ARL6IP5: variants seen among roughly 807,000 people sequenced by gnomAD.
ARL6IP5 encodes the protein ARF like GTPase 6 interacting protein 5.
Under a neutral mutation model 13.0 loss-of-function variants are expected in ARL6IP5, and 6 were observed. The observed-to-expected ratio is 0.46, with a 90% CI of 0.25 to 0.91. The LOEUF is 0.91. ARL6IP5 is among the 40% of genes least tolerant of loss of function. The pLI is 0.17. For synonymous variants in ARL6IP5, 91 were observed against 91.9 expected (o/e 0.99, Z 0.06); for missense variants, 208 against 248.8 (o/e 0.84, Z 1.10).
intron 1 of ARL6IP5, among the ~76,000 whole-genome samples, chr3:69,089,636 C>T (rs1204886710): frequency 1.2e-4 from 9 of 74,300 alleles, no homozygotes; most frequent in African/African-American, 2.4e-4. Context: ...GAAACCCTGT[C>T]TAAAAAAAAA....
intron 1 of ARL6IP5, among the ~76,000 whole-genome samples, chr3:69,098,592 C>T (rs1363979081): frequency 2.0e-5 from 3 of 151,542 alleles, no homozygotes; most frequent in East Asian, 1.9e-4. Flanking sequence ...GGTTTCACCA[C>T]GTTGGCCAGG....
intron 1 of ARL6IP5, among the ~76,000 whole-genome samples, chr3:69,095,723 A>G (rs1190166701): frequency 1.3e-5 from 2 of 151,980 alleles, no homozygotes; most frequent in Non-Finnish European, 2.9e-5. Flanking sequence ...TCAAACTCCT[A>G]GCTTCAGCTG....
intron 1 of ARL6IP5, among the ~76,000 whole-genome samples, chr3:69,091,460 A>ATTG (rs1357803989): frequency 6.6e-6 from 1 of 151,744 alleles, no homozygotes; most frequent in Admixed American, 6.6e-5. Context: ...AGCCTGGCTA[A>ATTG]TTGTTGTATT....
Position 69,104,575 on chromosome 3 carries a change from T to A in ARL6IP5, c.506T>A (p.Leu169Gln), listed in dbSNP as rs766125029. The change falls in exon 3 of 3, where the codon CTA (leucine) becomes CAA (glutamine). Residue 169 changes from leucine to glutamine, a missense_variant. Leu to Gln is a moderately radical substitution (Grantham distance 113). Transcript: ENST00000273258. Reference sequence around the variant, plus strand: ...CCGATGGGCATTGTCCTGGATGCCCTAGAACAGCAGGAAGAAGGCATCAAC... The same window carrying A: ...CCGATGGGCATTGTCCTGGATGCCCAAGAACAGCAGGAAGAAGGCATCAAC... ...RTPMGIVLDA[L>Q]EQQEEGINRL... 24 of 1,613,988 alleles carry A rather than the reference T, an allele frequency of 1.5e-5. No homozygotes were observed. Among genetic ancestry groups the A allele is most frequent in the African/African-American group, 2.7e-5 (2 of 74,930 alleles).
intron 1 of ARL6IP5, among the ~76,000 whole-genome samples, chr3:69,091,608 T>G (rs963805382): frequency 6.6e-6 from 1 of 151,800 alleles, no homozygotes; most frequent in African/African-American, 2.4e-5. Context: ...TTTGATACTA[T>G]TTATGTAACT....
At chr3:69,099,784 A>G (rs2092299763) in intron 1 of ARL6IP5, among the ~76,000 whole-genome samples, 1 of 152,164 alleles carries the variant, frequency 6.6e-6, no homozygotes, top group Non-Finnish European at 1.5e-5. Flanking sequence ...GTCCTTCCCA[A>G]GTAAAGTCCT....
chr3:69,087,047 G>T (rs1031030974), intron 1 of ARL6IP5, among the ~76,000 whole-genome samples: 4 of 151,728 alleles, frequency 2.6e-5, no homozygotes, highest in African/African-American at 7.3e-5. Flanking sequence ...TTGAGACAAG[G>T]TCTTGTTCTG....
At position 69,105,863 on chromosome 3, in the gene ARL6IP5, C is replaced by T. The variant is rs1208943204; in HGVS notation, c.*1227C>T. On this transcript the variant is annotated 3_prime_UTR_variant, in exon 3 of 3. Transcript: ENST00000273258. ...CTGTAGCATTAAATTGTGAAGACAA[C>T]TGGAGTGGTACTTACTGAAGAAACT... The T allele has an allele frequency of 6.6e-6, 1 of 152,158 alleles. No individual in the cohort carries two copies. The highest frequency in any genetic ancestry group is 1.5e-5 in the Non-Finnish European group (1 of 68,038). 9.4% of individuals were successfully genotyped at this position (152,158 alleles called of 1,614,324 possible). A position where few individuals can be genotyped will look rare whatever the true frequency, so the allele number is the denominator to read the frequency against.
chr3:69,085,327 C>A, intron 1 of ARL6IP5, 104 bp downstream of exon 1: 1 of 1,390,950 alleles, frequency 7.2e-7, no homozygotes, highest in South Asian at 1.4e-5. Context: ...CCACGCTCAG[C>A]GCCTGCCCTG....
chr3:69,104,508 A>T lies in ARL6IP5; in HGVS notation c.439A>T (p.Lys147Ter). ...ASLRLRNLKN[K>*]LENKMEGIGL... ...GTTGAGACTTCGGAACCTCAAGAAC[A>T]AACTGGAGAATAAAATGGAAGGAAT... Residue 147 changes from lysine (K) to a stop codon, truncating the protein, a stop_gained, in exon 3 of 3, where the codon AAA (lysine) becomes TAA (stop). Transcript: ENST00000273258. LOFTEE classifies it high-confidence loss of function. 2 of 1,614,094 alleles carry T rather than the reference A, an allele frequency of 1.2e-6. No homozygotes were observed. Among genetic ancestry groups the T allele is most frequent in the South Asian group, 1.1e-5 (1 of 91,080 alleles).
chr3:69,102,155 C>T, intron 2 of ARL6IP5, 99 bp downstream of exon 2: 1 of 1,318,190 alleles, frequency 7.6e-7, no homozygotes, highest in Non-Finnish European at 1.1e-6. Context: ...GTTGGCATGT[C>T]AGCAAAAGTG....
At chr3:69,097,102 A>G (rs1316002205) in intron 1 of ARL6IP5, among the ~76,000 whole-genome samples, 1 of 152,132 alleles carries the variant, frequency 6.6e-6, no homozygotes, top group Non-Finnish European at 1.5e-5. Context: ...AATGGAAATA[A>G]ACTCCCCTTA....
intron 2 of ARL6IP5, among the ~76,000 whole-genome samples, chr3:69,102,828 A>C (rs957322068): frequency 2.6e-5 from 4 of 152,230 alleles, no homozygotes; most frequent in African/African-American, 9.6e-5. Flanking sequence ...ATTGGCTCAG[A>C]ATATAGGTAC....
At chr3:69,094,081 C>T (rs1344224425) in intron 1 of ARL6IP5, among the ~76,000 whole-genome samples, 1 of 152,212 alleles carries the variant, frequency 6.6e-6, no homozygotes, top group Non-Finnish European at 1.5e-5. Context: ...CTGCCTGATT[C>T]ACCTCACCCT....
intron 1 of ARL6IP5, among the ~76,000 whole-genome samples, chr3:69,094,053 G>A (rs75167494): frequency 9.8e-5 from 15 of 152,316 alleles, no homozygotes; most frequent in Non-Finnish European, 2.1e-4. Context: ...AGTGAGGCCT[G>A]TGTGCAAAGT....
At chr3:69,093,770 A>AG (rs2092277716) in intron 1 of ARL6IP5, among the ~76,000 whole-genome samples, 1 of 110,630 alleles carries the variant, frequency 9.0e-6, no homozygotes, top group Non-Finnish European at 2.0e-5. Flanking sequence ...CAAAAAAAAA[A>AG]AAAAAAGAAA....
chr3:69,094,870 C>G (rs1246978688), intron 1 of ARL6IP5, among the ~76,000 whole-genome samples: 1 of 135,542 alleles, frequency 7.4e-6, no homozygotes. Context: ...CTTCCTAGCT[C>G]TAAAATTTTG....
At chr3:69,090,397 G>C (rs1013735343) in intron 1 of ARL6IP5, among the ~76,000 whole-genome samples, 3 of 152,170 alleles carry the variant, frequency 2.0e-5, no homozygotes, top group Admixed American at 6.5e-5. Flanking sequence ...TGAAGAATAG[G>C]ACAGCTGTGA....
At chr3:69,100,702 A>T (rs1342525274) in intron 1 of ARL6IP5, among the ~76,000 whole-genome samples, 1 of 151,578 alleles carries the variant, frequency 6.6e-6, no homozygotes, top group Non-Finnish European at 1.5e-5. Flanking sequence ...AATTGCTTGA[A>T]CCCAGGAGGC....
Sources: gnomAD v4.1 joint callset for allele counts (sites outside exome capture counted in the v4.1 genomes callset) on GRCh38, gnomAD v4.1.1 for gene constraint, MANE v1.5 for transcripts, NCBI Gene and HGNC (gene_info 2026-07-23, HGNC 2026-07-21) for gene names.